Variants in STAG2 observed in about 807,000 individuals in gnomAD.
STAG2 encodes STAG2 cohesin complex component.
A neutral mutation model predicts 108.1 loss-of-function variants in STAG2; 14 were observed. That is an observed-to-expected ratio of 0.13 (90% CI 0.09 to 0.20). STAG2 has a LOEUF of 0.20. Among genes scored for constraint, STAG2 ranks in the 10% least tolerant of loss-of-function variants. The pLI is 1.00. For missense variants in STAG2, 440 were observed against 940.9 expected, an observed-to-expected ratio of 0.47 and a Z score of 6.96; for synonymous variants, 307 against 302.7, an observed-to-expected ratio of 1.01 and a Z score of -0.15.
chrX:124,083,624 C>G (rs1471374894), intron 29 of STAG2, 75 bp downstream of exon 29: 2 of 827,238 alleles, frequency 2.4e-6, no homozygotes, highest in African/African-American at 2.1e-5. Context: ...CTTGGTTTCT[C>G]TCCTTTCTAC....
chrX:123,969,979 T>C (rs1434089250), intron 1 of STAG2, among the ~76,000 whole-genome samples: 1 of 97,645 alleles, frequency 1.0e-5, no homozygotes, highest in Admixed American at 1.1e-4. Flanking sequence ...TTTTTTTTTT[T>C]AATTGTAACT....
At chrX:123,997,081 A>T (rs974319982) in intron 1 of STAG2, among the ~76,000 whole-genome samples, 1 of 111,573 alleles carries the variant, frequency 9.0e-6, no homozygotes, top group Non-Finnish European at 1.9e-5. Context: ...AGGACTTTCT[A>T]TTCTATTTCA....
rs1319877123 is a variant in STAG2, at chrX:124,042,552, A to C, written c.386-17A>C. ...TTATCACACCATATATTAACTTCTG[A>C]CATTTGCAAATTTCAGGAGTTGTCA... On this transcript the variant is annotated splice_polypyrimidine_tract_variant and intron_variant, in intron 6 of 34. Transcript: ENST00000371145. The C allele has an allele frequency of 8.6e-7, 1 of 1,165,241 alleles. No individual in the cohort carries two copies. The highest frequency in any genetic ancestry group is 1.2e-6 in the Non-Finnish European group (1 of 854,817).
chrX:124,022,050 G>A (rs1312097011), intron 2 of STAG2, among the ~76,000 whole-genome samples: 3 of 110,771 alleles, frequency 2.7e-5, no homozygotes, highest in African/African-American at 9.9e-5. Context: ...GTGGGGCTGC[G>A]AGTGTTACAA....
intron 13 of STAG2, among the ~76,000 whole-genome samples, chrX:124,055,209 A>G (rs2058159712): frequency 8.9e-6 from 1 of 112,801 alleles, no homozygotes; most frequent in South Asian, 3.6e-4. Flanking sequence ...AAGAAGTAAT[A>G]CTTCTTAGAC....
intron 1 of STAG2, among the ~76,000 whole-genome samples, chrX:123,962,998 G>A (rs1313966042): frequency 8.9e-6 from 1 of 112,212 alleles, no homozygotes; most frequent in Non-Finnish European, 1.9e-5. Context: ...TTTAGTCCTA[G>A]TGGTTAGTGT....
chrX:123,963,647 C>A (rs1441508206), intron 1 of STAG2, among the ~76,000 whole-genome samples: 1 of 109,029 alleles, frequency 9.2e-6, no homozygotes, highest in Admixed American at 9.8e-5. Context: ...TAAGGTGCCA[C>A]GTTAAGTAAG....
chrX:123,969,537 C>T (rs894114455), intron 1 of STAG2, among the ~76,000 whole-genome samples: 2 of 111,515 alleles, frequency 1.8e-5, no homozygotes, highest in Non-Finnish European at 3.8e-5. Context: ...GTTCATCTTT[C>T]ACTATTAAGT....
At chrX:124,093,416 G>A (rs1391461803) in intron 32 of STAG2, among the ~76,000 whole-genome samples, 1 of 105,463 alleles carries the variant, frequency 9.5e-6, no homozygotes, top group South Asian at 4.1e-4. Flanking sequence ...ATCTCTGTTT[G>A]CCATGGTAGA....
intron 13 of STAG2, among the ~76,000 whole-genome samples, chrX:124,052,468 AATTTCT>A (rs2058072650): frequency 2.7e-5 from 3 of 112,387 alleles, no homozygotes; most frequent in Non-Finnish European, 5.6e-5. Flanking sequence ...CACTTGGCAT[AATTTCT>A]TCAAGTTTCA....
intron 4 of STAG2, among the ~76,000 whole-genome samples, chrX:124,029,171 C>T (rs1486774526): frequency 9.4e-6 from 1 of 106,833 alleles, no homozygotes. Context: ...TGCCTGCCAC[C>T]ACGCCCAGCT....
rs2059522000 is a variant in STAG2, at chrX:124,102,546, T to G, written c.*1949T>G. Reference sequence around the variant, plus strand: ...CTCAAAGGGGGAGGGTGGCTATAAATGGTTTGCAAATTTATATCTATTATC... The same window carrying G: ...CTCAAAGGGGGAGGGTGGCTATAAAGGGTTTGCAAATTTATATCTATTATC... On this transcript the variant is annotated 3_prime_UTR_variant, in exon 35 of 35. Coordinates refer to ENST00000371145, the MANE Select transcript of STAG2 (RefSeq NM_001042750.2). The G allele has an allele frequency of 6.6e-6, 1 of 150,675 alleles. No homozygotes were observed. The highest frequency in any genetic ancestry group is 3.1e-5 in the African/African-American group (1 of 32,709). The allele number at this position is 150,675 out of a possible 1,213,427, so 12.4% of individuals were successfully genotyped here.
chrX:124,074,006 AATAC>A (rs749915255), intron 25 of STAG2, among the ~76,000 whole-genome samples: 12 of 112,562 alleles, frequency 1.1e-4, no homozygotes, highest in Non-Finnish European at 2.2e-4. Flanking sequence ...ATCTGTTAAT[AATAC>A]ATAGTTCATT....
chrX:124,097,009 T>C (rs2059396416), intron 34 of STAG2, among the ~76,000 whole-genome samples: 1 of 109,885 alleles, frequency 9.1e-6, no homozygotes, highest in South Asian at 3.9e-4. Flanking sequence ...TGAGACCCCA[T>C]CTTTACAAAA....
At chrX:124,000,409 C>T (rs1300221353) in intron 1 of STAG2, among the ~76,000 whole-genome samples, 2 of 111,413 alleles carry the variant, frequency 1.8e-5, no homozygotes, top group Non-Finnish European at 3.8e-5. Context: ...GTGGCTGATG[C>T]CTGTAATCCC....
rs2148372626 is a variant in STAG2, at chrX:124,071,148, G to T, written c.2359-1G>T. 1 of 1,104,793 alleles carries T rather than the reference G, an allele frequency of 9.1e-7. No homozygotes were observed. 91.0% of individuals were successfully genotyped at this position (1,104,793 alleles called of 1,213,427 possible). A position where few individuals can be genotyped will look rare whatever the true frequency, so the allele number is the denominator to read the frequency against. On this transcript the variant is annotated splice_acceptor_variant, in intron 24 of 34. Transcript: ENST00000371145. LOFTEE classifies it high-confidence loss of function. ...TTCCTCTTTTTTTTTTTTTTAAATAGGCCTTCACTATTCTGTGTGATATTT... is the reference window on the plus strand; with the variant it reads ...TTCCTCTTTTTTTTTTTTTTAAATATGCCTTCACTATTCTGTGTGATATTT...
At chrX:123,985,245 T>C (rs1025144371) in intron 1 of STAG2, among the ~76,000 whole-genome samples, 4 of 111,417 alleles carry the variant, frequency 3.6e-5, no homozygotes, top group African/African-American at 1.3e-4. Context: ...ATTCCTTTTT[T>C]TTGAAACAAG....
chrX:124,017,471 A>G (rs1263850790), intron 1 of STAG2, among the ~76,000 whole-genome samples: 1 of 111,296 alleles, frequency 9.0e-6, no homozygotes, highest in African/African-American at 3.3e-5. Context: ...CAGCCTCCCA[A>G]AGTGTTTGGA....
At chrX:124,078,946 G>A (rs1013840593) in intron 27 of STAG2, among the ~76,000 whole-genome samples, 2 of 107,688 alleles carry the variant, frequency 1.9e-5, no homozygotes, top group Non-Finnish European at 3.8e-5. Context: ...TCCAGCCTGG[G>A]CGACAGAGTG....
Sources: allele counts gnomAD v4.1 joint callset (sites outside exome capture counted in the v4.1 genomes callset), GRCh38; gene constraint gnomAD v4.1.1; transcripts MANE v1.5; gene names NCBI Gene and HGNC (gene_info 2026-07-23, HGNC 2026-07-21).